ARPC3: variants seen among roughly 807,000 people sequenced by gnomAD.
The protein encoded by ARPC3 is actin-related protein 2/3 complex subunit 3.
ARPC3 carries 12 observed loss-of-function variants against 27.6 expected under a neutral mutation model. That is an observed-to-expected ratio of 0.43 (90% CI 0.28 to 0.70). The LOEUF is 0.70. Among genes scored for constraint, ARPC3 ranks in the 30% least tolerant of loss-of-function variants. ARPC3 has a pLI of 0.17. For missense variants in ARPC3, 153 were observed against 207.7 expected (o/e 0.74, Z 1.62); for synonymous variants, 53 against 67.2 (o/e 0.79, Z 1.03).
At chr12:110,448,578 T>C (rs2062478471) in intron 1 of ARPC3, among the ~76,000 whole-genome samples, 1 of 150,124 alleles carries the variant, frequency 6.7e-6, no homozygotes, top group Admixed American at 6.7e-5. Flanking sequence ...CTCAGGAGGC[T>C]GAGGTGGGAG....
At chr12:110,445,628 A>T in intron 1 of ARPC3, 77 bp from the exon 2 acceptor site, 1 of 1,126,420 alleles carries the variant, frequency 8.9e-7, no homozygotes, top group Non-Finnish European at 1.4e-6. Flanking sequence ...CTTCCCTTAA[A>T]GGAAAAAAAG....
At chr12:110,437,838 C>T (rs947568098) in intron 3 of ARPC3, among the ~76,000 whole-genome samples, 14 of 152,114 alleles carry the variant, frequency 9.2e-5, no homozygotes, top group African/African-American at 3.1e-4. Context: ...GGGTCTCTGC[C>T]GAGAACAGAA....
At chr12:110,440,718 T>C (rs2062431266) in intron 2 of ARPC3, among the ~76,000 whole-genome samples, 1 of 148,994 alleles carries the variant, frequency 6.7e-6, no homozygotes, top group Non-Finnish European at 1.5e-5. Context: ...CGCTAATTTT[T>C]TGTATTTTTA....
intron 3 of ARPC3, 107 bp from the exon 4 acceptor site, chr12:110,437,259 A>G: frequency 1.3e-6 from 1 of 788,946 alleles, no homozygotes; most frequent in East Asian, 2.5e-5. Flanking sequence ...ATGCAGTGGT[A>G]GGACAGCCAC....
intron 3 of ARPC3, chr12:110,437,412 G>C: frequency 2.5e-6 from 1 of 396,658 alleles, no homozygotes; most frequent in Non-Finnish European, 4.7e-6. Context: ...CTGTTGCCCA[G>C]GCTGGAGTGC....
intron 1 of ARPC3, among the ~76,000 whole-genome samples, chr12:110,449,231 TG>T (rs1242921650): frequency 3.3e-5 from 5 of 152,188 alleles, no homozygotes; most frequent in Admixed American, 3.3e-4. Flanking sequence ...AAATACAGCC[TG>T]GCAGGCAGCA....
At chr12:110,437,306 C>G (rs368645985) in intron 3 of ARPC3, 154 bp from the exon 4 acceptor site, 29 of 641,206 alleles carry the variant, frequency 4.5e-5, no homozygotes, top group African/African-American at 2.9e-4. Context: ...AATGCACAGT[C>G]TCCTCAGTCT....
chr12:110,437,319 T>C, intron 3 of ARPC3, 167 bp from the exon 4 acceptor site: 1 of 613,088 alleles, frequency 1.6e-6, no homozygotes, highest in Non-Finnish European at 2.9e-6. Flanking sequence ...CTCAGTCTCC[T>C]TTTCCGTCTG....
intron 2 of ARPC3, chr12:110,442,726 A>G (rs894014776): frequency 6.6e-6 from 1 of 152,156 alleles, no homozygotes; most frequent in African/African-American, 2.4e-5. Context: ...GAACATGTTG[A>G]GGTTCAGATA....
intron 1 of ARPC3, among the ~76,000 whole-genome samples, chr12:110,446,798 AG>A (rs2062467043): frequency 6.7e-6 from 1 of 149,428 alleles, no homozygotes; most frequent in Non-Finnish European, 1.5e-5. Flanking sequence ...TAGTAGAGAC[AG>A]GGTTTCACCA....
intron 1 of ARPC3, among the ~76,000 whole-genome samples, chr12:110,448,776 T>TC (rs1220794956): frequency 5.5e-5 from 1 of 18,108 alleles, no homozygotes; most frequent in Non-Finnish European, 1.7e-4. Context: ...CTTCTTTTTT[T>TC]CCGGGGGGGG....
At chr12:110,449,281 G>C (rs577459006) in intron 1 of ARPC3, among the ~76,000 whole-genome samples, 2 of 152,040 alleles carry the variant, frequency 1.3e-5, no homozygotes, top group Non-Finnish European at 2.9e-5. Context: ...TGTGTGAGCA[G>C]GCTGGGCGCG....
intron 2 of ARPC3, chr12:110,442,642 TA>T (rs1473690182): frequency 6.6e-6 from 1 of 151,588 alleles, no homozygotes; most frequent in Non-Finnish European, 1.5e-5. Context: ...TATAATTAAA[TA>T]AAATAAAAAG....
intron 3 of ARPC3, among the ~76,000 whole-genome samples, chr12:110,437,527 C>G (rs1361777740): frequency 6.6e-6 from 1 of 152,128 alleles, no homozygotes; most frequent in African/African-American, 2.4e-5. Flanking sequence ...GCCACCACGC[C>G]TGGCTAATTT....
At chr12:110,448,790 GGGT>G (rs780272200) in intron 1 of ARPC3, among the ~76,000 whole-genome samples, 19 of 93,088 alleles carry the variant, frequency 2.0e-4, no homozygotes, top group African/African-American at 5.0e-4. Context: ...GGGGGGGGGG[GGGT>G]GGTGGTACAG....
chr12:110,449,773 G>T (rs555063132), intron 1 of ARPC3, among the ~76,000 whole-genome samples: 1 of 152,136 alleles, frequency 6.6e-6, no homozygotes. Flanking sequence ...ACGAGTCTGT[G>T]AGGGCCCTAA....
intron 2 of ARPC3, chr12:110,445,017 A>G (rs1036368728): frequency 8.8e-6 from 2 of 226,264 alleles, no homozygotes; most frequent in Non-Finnish European, 1.8e-5. Context: ...TACACTTCAG[A>G]TTTAAGATTG....
chr12:110,446,854 G>A (rs527696838), intron 1 of ARPC3, among the ~76,000 whole-genome samples: 5 of 151,334 alleles, frequency 3.3e-5, no homozygotes, highest in Admixed American at 6.6e-5. Flanking sequence ...TGATCCACCC[G>A]CCCCGGCCTC....
Position 110,437,117 on chromosome 12 carries a change from G to A in ARPC3, c.219C>T (p.Leu73=). The A allele has an allele frequency of 6.2e-7, 1 of 1,603,446 alleles. No homozygotes were observed. Among genetic ancestry groups the A allele is most frequent in the East Asian group, 2.2e-5 (1 of 44,822 alleles). Residue 73 remains leucine (L), a synonymous_variant, in exon 4 of 7, where the codon CTC becomes CTT. Transcript: ENST00000228825. ...EADRTLIYIT[L]YISECLKKLQ... ...GTTTCTTCAGACATTCAGAAATGTA[G>A]AGAGTTATATATATCAAGGTCCTAT...
Sources: gnomAD v4.1 joint callset for allele counts (sites outside exome capture counted in the v4.1 genomes callset) on GRCh38, gnomAD v4.1.1 for gene constraint, MANE v1.5 for transcripts, NCBI Gene and HGNC (gene_info 2026-07-23, HGNC 2026-07-21) for gene names.